The following HSPA4 variants were observed in gnomAD, a reference collection of about 807,000 sequenced individuals.
The protein encoded by HSPA4 is heat shock 70 kDa protein 4.
Under a neutral mutation model 106.2 loss-of-function variants are expected in HSPA4, and 25 were observed. The ratio of observed to expected loss-of-function variants is 0.24; its 90% CI spans 0.17 to 0.33. The LOEUF (loss-of-function observed/expected upper bound fraction) is 0.33. HSPA4 is among the 10% of genes least tolerant of loss of function. The probability of loss-of-function intolerance (pLI) is 1.00; values close to 1 mark genes in which losing one functional copy is unlikely to be tolerated. For missense variants in HSPA4, 841 were observed against 996.0 expected (o/e 0.84, Z 2.10); for synonymous variants, 332 against 333.6 (o/e 1.00, Z 0.05).
intron 7 of HSPA4, among the ~76,000 whole-genome samples, chr5:133,083,727 T>C (rs1039737366): frequency 1.3e-5 from 2 of 151,952 alleles, no homozygotes; most frequent in Non-Finnish European, 2.9e-5. Context: ...TGTAGAGATG[T>C]TGTTTCTCCG....
At chr5:133,092,151 C>G (rs1380261814) in intron 12 of HSPA4, among the ~76,000 whole-genome samples, 2 of 152,168 alleles carry the variant, frequency 1.3e-5, no homozygotes, top group Non-Finnish European at 2.9e-5. Context: ...TCAGGTCATT[C>G]TAATATGTTG....
chr5:133,072,570 T>A (rs1009014105), intron 4 of HSPA4, among the ~76,000 whole-genome samples: 21 of 151,118 alleles, frequency 1.4e-4, no homozygotes, highest in African/African-American at 4.6e-4. Flanking sequence ...TTATTTTTTT[T>A]TTTTTTTTGT....
intron 13 of HSPA4, among the ~76,000 whole-genome samples, chr5:133,093,306 C>T (rs1272403629): frequency 1.3e-5 from 2 of 152,032 alleles, no homozygotes; most frequent in Admixed American, 1.3e-4. Flanking sequence ...TAAACTCTCT[C>T]CTGGTTGATA....
chr5:133,082,624 T>C (rs1370451694), intron 7 of HSPA4, among the ~76,000 whole-genome samples: 1 of 151,914 alleles, frequency 6.6e-6, no homozygotes, highest in African/African-American at 2.4e-5. Flanking sequence ...CACCGACATA[T>C]CTGGCCAATT....
At chr5:133,082,939 C>G (rs1424644501) in intron 7 of HSPA4, among the ~76,000 whole-genome samples, 1 of 151,484 alleles carries the variant, frequency 6.6e-6, no homozygotes, top group Non-Finnish European at 1.5e-5. Flanking sequence ...AGTTTGAGAC[C>G]AGCTGGCCAA....
At position 133,105,919 on chromosome 5, in the gene HSPA4, C is replaced by T. The variant is rs894851987; in HGVS notation, c.*1483C>T. ...GGTGTGTAAGCATGCATGGAGGCCTCGAGGCACCACAACAAGGCCAGGTTC... is the reference window on the plus strand; with the variant it reads ...GGTGTGTAAGCATGCATGGAGGCCTTGAGGCACCACAACAAGGCCAGGTTC... On this transcript the variant is annotated 3_prime_UTR_variant, in exon 19 of 19. Transcript: ENST00000304858. 1 of 151,530 alleles carries T rather than the reference C, an allele frequency of 6.6e-6. No individual in the cohort carries two copies. The highest frequency in any genetic ancestry group is 1.9e-4 in the East Asian group (1 of 5,132). The allele number at this position is 151,530 out of a possible 1,614,324, so 9.4% of individuals were successfully genotyped here. A position where few individuals can be genotyped will look rare whatever the true frequency, so the allele number is the denominator to read the frequency against.
At chr5:133,061,871 T>G (rs779807112) in intron 1 of HSPA4, among the ~76,000 whole-genome samples, 52 of 152,252 alleles carry the variant, frequency 3.4e-4, no homozygotes, top group Middle Eastern at 3.4e-3. Context: ...TGACCTCAGG[T>G]GATCTGCCTG....
chr5:133,062,922 T>C (rs937121566), intron 1 of HSPA4, among the ~76,000 whole-genome samples: 1 of 152,140 alleles, frequency 6.6e-6, no homozygotes. Flanking sequence ...AAATCAGTAG[T>C]TCATCTAATT....
chr5:133,095,574 C>T (rs1283922842), intron 13 of HSPA4, among the ~76,000 whole-genome samples: 1 of 152,100 alleles, frequency 6.6e-6, no homozygotes, highest in African/African-American at 2.4e-5. Context: ...AATCAAATTA[C>T]CAATATGTTA....
chr5:133,067,597 T>C, intron 3 of HSPA4, 40 bp downstream of exon 3: 1 of 1,486,966 alleles, frequency 6.7e-7, no homozygotes, highest in Non-Finnish European at 9.3e-7. Flanking sequence ...TAAAATGCAT[T>C]ATTATATTTT....
At position 133,104,226 on chromosome 5, in the gene HSPA4, A is replaced by C; in HGVS notation, c.2320-7A>C. ...AAGAAACCAGTTTTCTGTCTTACCC[A>C]TTCCAGGAGCTGACAAGTACTTGTA... is the stretch of plus-strand genomic sequence containing the variant. On this transcript the variant is annotated splice_polypyrimidine_tract_variant and splice_region_variant and intron_variant, in intron 18 of 18. Coordinates refer to ENST00000304858, the MANE Select transcript of HSPA4 (RefSeq NM_002154.4). 6.2e-7 allele frequency: 1 copy of C among 1,613,280 alleles called. No homozygotes were observed. The highest frequency in any genetic ancestry group is 8.5e-7 in the Non-Finnish European group (1 of 1,179,446).
At position 133,088,392 on chromosome 5, in the gene HSPA4, C is replaced by T. The variant is rs371649162; in HGVS notation, c.986-12C>T. ...TTTCATTAAAAAAATCTGTCTAATT[C>T]TTTAAAAATAGAGTTAAAGAAAGAA... On this transcript the variant is annotated splice_polypyrimidine_tract_variant and intron_variant, in intron 8 of 18. Transcript: ENST00000304858. 6.4e-7 allele frequency: 1 copy of T among 1,562,220 alleles called. No individual in the cohort carries two copies. Among genetic ancestry groups the T allele is most frequent in the African/African-American group, 1.4e-5 (1 of 73,202 alleles).
chr5:133,077,787 A>T (rs1380138785), intron 7 of HSPA4, among the ~76,000 whole-genome samples: 2 of 152,104 alleles, frequency 1.3e-5, no homozygotes, highest in Admixed American at 1.3e-4. Flanking sequence ...TCCGTAAAAA[A>T]ATTGAAATGG....
chr5:133,064,628 TA>T (rs1765285825), intron 1 of HSPA4, among the ~76,000 whole-genome samples: 1 of 152,248 alleles, frequency 6.6e-6, no homozygotes, highest in Non-Finnish European at 1.5e-5. Context: ...TGAGCTGTCT[TA>T]AAAATGTTAA....
At position 133,101,798 on chromosome 5, in the gene HSPA4, G is replaced by A. The variant is rs968137976; in HGVS notation, c.2077G>A (p.Glu693Lys). The change falls in exon 17 of 19, where the codon GAA becomes AAA. Residue 693 changes from glutamate to lysine, a missense_variant. Physicochemically the swap from Glu to Lys is moderately conservative, Grantham distance 56 (BLOSUM62 1). Coordinates refer to ENST00000304858, the MANE Select transcript of HSPA4 (RefSeq NM_002154.4). ...QPIKIRFQES[E>K]ERPKLFEELG... Reference sequence around the variant, plus strand: ...TATTAAGATACGTTTCCAGGAATCTGAAGAACGACCAAAATTATTTGAAGA... The same window carrying A: ...TATTAAGATACGTTTCCAGGAATCTAAAGAACGACCAAAATTATTTGAAGA... 6.2e-7 allele frequency: 1 copy of A among 1,609,110 alleles called. No individual in the cohort carries two copies.
At chr5:133,058,450 G>T (rs191263507) in intron 1 of HSPA4, among the ~76,000 whole-genome samples, 1 of 152,290 alleles carries the variant, frequency 6.6e-6, no homozygotes, top group African/African-American at 2.4e-5. Context: ...GGCTGAGGTG[G>T]GCGGGTCGCC....
intron 7 of HSPA4, among the ~76,000 whole-genome samples, chr5:133,085,125 T>A (rs1438665418): frequency 6.6e-6 from 1 of 151,848 alleles, no homozygotes; most frequent in Non-Finnish European, 1.5e-5. Flanking sequence ...CGTGTATAAT[T>A]CAGCGATTTA....
chr5:133,070,238 G>GA, intron 3 of HSPA4, 136 bp from the exon 4 acceptor site: 1 of 766,344 alleles, frequency 1.3e-6, no homozygotes, highest in Non-Finnish European at 2.0e-6. Context: ...TCGAAAACTA[G>GA]CTTTTTTTTT....
rs752956087 is a variant in HSPA4, at chr5:133,077,010, G to A, written c.908+112G>A. ...TCACGGAGGTTATATGATAATTTTG[G>A]TTCTATTTTAAAAATTAGAAGCCAT... On this transcript the variant is annotated intron_variant, in intron 7 of 18. Coordinates refer to ENST00000304858, the MANE Select transcript of HSPA4 (RefSeq NM_002154.4). 1.2e-3 allele frequency: 1,242 copies of A among 1,052,514 alleles called. 1 individual carries two copies. Among genetic ancestry groups the A allele is most frequent in the Admixed American group, 2.0e-3 (76 of 38,018 alleles). The allele number at this position is 1,052,514 out of a possible 1,614,324, so 65.2% of individuals were successfully genotyped here.
Sources: gnomAD v4.1 joint callset for allele counts (sites outside exome capture counted in the v4.1 genomes callset) on GRCh38, gnomAD v4.1.1 for gene constraint, MANE v1.5 for transcripts, NCBI Gene and HGNC (gene_info 2026-07-23, HGNC 2026-07-21) for gene names.